Variants in USP35 observed in about 807,000 individuals in gnomAD.
USP35 encodes ubiquitin specific peptidase 35.
A neutral mutation model predicts 83.8 loss-of-function variants in USP35; 69 were observed. That is an observed-to-expected ratio of 0.82 (90% CI 0.68 to 1.01). The LOEUF (loss-of-function observed/expected upper bound fraction) is 1.01. Among genes scored for constraint, USP35 ranks in the 50% least tolerant of loss-of-function variants. The pLI is 0.00. For synonymous variants in USP35, 714 were observed against 589.5 expected, an observed-to-expected ratio of 1.21 and a Z score of -3.06; for missense variants, 1,503 against 1,362.5, an observed-to-expected ratio of 1.10 and a Z score of -1.62.
At chr11:78,231,149 AAGAT>A in the USP35 span, among the ~76,000 whole-genome samples, 2 of 152,210 alleles carry the variant, frequency 1.3e-5, no homozygotes, top group African/African-American at 4.8e-5. Context: ...TTGGAGCAGG[AAGAT>A]ACTCAAACAC....
the USP35 span, among the ~76,000 whole-genome samples, chr11:78,222,396 A>T: frequency 6.6e-6 from 1 of 152,100 alleles, no homozygotes; most frequent in South Asian, 2.1e-4. Context: ...ATTCCAAATT[A>T]TATATTCTTT....
At chr11:78,199,993 G>T in intron 4 of USP35, 140 bp from the exon 5 acceptor site, 1 of 960,100 alleles carries the variant, frequency 1.0e-6, no homozygotes. Context: ...CTGTCCATCT[G>T]GGTCTGTGAG....
chr11:78,220,168 C>G (rs1308868612), downstream of USP35: 3 of 769,958 alleles, frequency 3.9e-6, no homozygotes, highest in African/African-American at 3.5e-5. Flanking sequence ...GATGAAAGCT[C>G]TATGACTAAA....
At chr11:78,222,022 C>T in the USP35 span, 1 of 915,116 alleles carries the variant, frequency 1.1e-6, no homozygotes. Context: ...TCCAGCTGTC[C>T]CGGCCCACAG....
chr11:78,219,539 A>C (rs576961555), downstream of USP35: 120 of 839,992 alleles, frequency 1.4e-4, no homozygotes, highest in Admixed American at 8.8e-4. Context: ...TCTGCCTGCC[A>C]CTGACCAGCC....
chr11:78,223,269 C>A, the USP35 span: 1 of 614,702 alleles, frequency 1.6e-6, no homozygotes, highest in Non-Finnish European at 2.6e-6. Flanking sequence ...CTGCATTTCA[C>A]AGATAAGAAA....
chr11:78,232,903 G>T, the USP35 span, among the ~76,000 whole-genome samples: 763 of 152,208 alleles, frequency 5.0e-3, 14 homozygotes, highest in East Asian at 0.02. Context: ...ATCATATGAG[G>T]TACCTAATGT....
At chr11:78,209,053 G>T in intron 9 of USP35, 90 bp downstream of exon 9, 1 of 1,326,550 alleles carries the variant, frequency 7.5e-7, no homozygotes, top group East Asian at 2.4e-5. Context: ...CAGCGTCCAG[G>T]GAATAAGTGT....
downstream of USP35, chr11:78,218,393 G>A (rs542788333): frequency 2.0e-5 from 3 of 152,824 alleles, no homozygotes; most frequent in East Asian, 3.9e-4. Context: ...TGCTTTCAAG[G>A]TGGGGCTGGC....
rs1342436825 is a variant in USP35, at chr11:78,196,376, T to C, written c.131T>C (p.Leu44Pro). 1.3e-6 allele frequency: 2 copies of C among 1,504,922 alleles called. No individual in the cohort carries two copies. The highest frequency in any genetic ancestry group is 1.5e-5 in the African/African-American group (1 of 68,276). The allele number at this position is 1,504,922 out of a possible 1,614,324, so 93.2% of individuals were successfully genotyped here. A position where few individuals can be genotyped will look rare whatever the true frequency, so the allele number is the denominator to read the frequency against. The change falls in exon 2 of 11, where the codon CTG (leucine) becomes CCG (proline). Residue 44 changes from leucine (L) to proline (P), a missense_variant. Transcript: ENST00000529308. This position sits in a 1 kb window ranked among gnomAD's most constrained non-coding sequence, Gnocchi z 4.8. Reference sequence around the variant, plus strand: ...GAGCAGTGCCTGGCGCTGCTGGCGCTGGGCGCGCGCCTCTACGTGGGCGGC... The same window carrying C: ...GAGCAGTGCCTGGCGCTGCTGGCGCCGGGCGCGCGCCTCTACGTGGGCGGC... ...EREQCLALLA[L>P]GARLYVGGAE...
At chr11:78,200,626 C>T in intron 5 of USP35, 24 bp from the exon 6 acceptor site, 1 of 1,590,514 alleles carries the variant, frequency 6.3e-7, no homozygotes, top group Non-Finnish European at 8.6e-7. Flanking sequence ...TGGTGCTGAG[C>T]CTGACGCAGC....
chr11:78,218,722 C>CT (rs1864267975), downstream of USP35: 1 of 153,296 alleles, frequency 6.5e-6, no homozygotes, highest in Non-Finnish European at 1.5e-5. Flanking sequence ...GCCTCCGTCT[C>CT]CACCATCTCC....
At position 78,196,823 on chromosome 11, in the gene USP35, A is replaced by G. The variant is rs1249002212; in HGVS notation, c.578A>G (p.Gln193Arg). The G allele has an allele frequency of 6.5e-7, 1 of 1,532,496 alleles. No individual in the cohort carries two copies. The highest frequency in any genetic ancestry group is 2.5e-5 in the East Asian group (1 of 40,814). 94.9% of individuals were successfully genotyped at this position (1,532,496 alleles called of 1,614,324 possible). A position where few individuals can be genotyped will look rare whatever the true frequency, so the allele number is the denominator to read the frequency against. ...EGAVEFLEQA[Q>R]QVSGLLAQLW... ...GCCGTGGAGTTCCTAGAGCAGGCCC[A>G]GCAGGTGAGCGGGCTCCTGGCGCAG... Residue 193 changes from glutamine (Q) to arginine (R), a missense_variant, in exon 2 of 11, where the codon CAG becomes CGG. By Grantham distance (43) the Gln-to-Arg change is conservative (BLOSUM62 1). Coordinates refer to ENST00000529308, the MANE Select transcript of USP35 (RefSeq NM_020798.4). This position sits in a 1 kb window ranked among gnomAD's most constrained non-coding sequence, Gnocchi z 4.8.
Position 78,210,043 on chromosome 11 carries a change from GA to G in USP35, c.2192del (p.Lys731ArgfsTer44). 6.2e-7 allele frequency: 1 copy of G among 1,613,846 alleles called. No individual in the cohort carries two copies. On this transcript the variant is annotated frameshift_variant, in exon 10 of 11. Transcript: ENST00000529308. LOFTEE classifies it high-confidence loss of function. ...GGAGACAGAAAAGGAGGCTGAGCAG[GA>G]AAAGGAAGAAGACAGCCTGGGAGCG... ...EKETEKEAEQ[E>X]KEEDSLGAGT...
chr11:78,228,711 G>A, the USP35 span, among the ~76,000 whole-genome samples: 1 of 151,968 alleles, frequency 6.6e-6, no homozygotes, highest in Non-Finnish European at 1.5e-5. Context: ...GCTCCTCCTT[G>A]GGCCTCTGCA....
At chr11:78,216,155 CCA>C (rs1245217059), downstream of USP35, 3 of 152,642 alleles carry the variant, frequency 2.0e-5, no homozygotes, top group Admixed American at 6.5e-5. Flanking sequence ...ACCTCCCATT[CCA>C]CAGACAGGCA....
downstream of USP35, chr11:78,219,169 TAG>T: frequency 3.7e-6 from 4 of 1,082,420 alleles, no homozygotes; most frequent in Non-Finnish European, 5.4e-6. Flanking sequence ...ACTGGCAGAG[TAG>T]AGAGGAGGTG....
chr11:78,199,858 C>T (rs556549273), intron 4 of USP35, 134 bp downstream of exon 4: 21 of 1,409,794 alleles, frequency 1.5e-5, no homozygotes, highest in Non-Finnish European at 1.9e-5. Flanking sequence ...AATTCACTGC[C>T]CCTCTCTGGG....
Position 78,189,018 on chromosome 11 carries a change from T to G in USP35, c.-150T>G, listed in dbSNP as rs1472024857. ...GATTTTGCAGTGGAAGCAGCATCTC[T>G]TCCGTCTGGGACCTGGCTGAGGGCG... On this transcript the variant is annotated 5_prime_UTR_variant, in exon 1 of 11. Transcript: ENST00000529308. 1 of 936,078 alleles carries G rather than the reference T, an allele frequency of 1.1e-6. No individual in the cohort carries two copies. The highest frequency in any genetic ancestry group is 1.3e-6 in the Non-Finnish European group (1 of 784,908). 58.0% of individuals were successfully genotyped at this position (936,078 alleles called of 1,614,324 possible).
Sources: gnomAD v4.1 joint callset for allele counts (sites outside exome capture counted in the v4.1 genomes callset) on GRCh38, gnomAD v4.1.1 for gene constraint, Gnocchi (gnomAD v3.1) non-coding constraint, MANE v1.5 for transcripts, NCBI Gene and HGNC (gene_info 2026-07-23, HGNC 2026-07-21) for gene names.